Variants in BEND7 observed in about 807,000 individuals in gnomAD.
The protein encoded by BEND7 is BEN domain containing 7, also known as BEN domain-containing protein 7.
A neutral mutation model predicts 50.9 loss-of-function variants in BEND7; 28 were observed. The ratio of observed to expected loss-of-function variants is 0.55; its 90% CI spans 0.41 to 0.75. BEND7 has a LOEUF of 0.75. Ranked by LOEUF, BEND7 falls within the 30% of genes least tolerant of loss-of-function variation. The pLI is 0.00. For missense variants in BEND7, 477 were observed against 491.3 expected (o/e 0.97, Z 0.28); for synonymous variants, 170 against 183.9 (o/e 0.92, Z 0.61).
chr10:13,464,185 ACCCACAC>A (rs1244909197), intron 6 of BEND7, among the ~76,000 whole-genome samples: 83 of 152,338 alleles, frequency 5.4e-4, no homozygotes, highest in African/African-American at 1.9e-3. Flanking sequence ...CTCTAGAGAA[ACCCACAC>A]ATGGGCACCC....
At chr10:13,461,561 C>G (rs530897162) in intron 6 of BEND7, among the ~76,000 whole-genome samples, 5 of 152,130 alleles carry the variant, frequency 3.3e-5, no homozygotes, top group Non-Finnish European at 7.4e-5. Context: ...GGCCAAACTC[C>G]GTCTCTACCA....
intron 2 of BEND7, among the ~76,000 whole-genome samples, chr10:13,520,746 A>C (rs757261235): frequency 6.6e-6 from 1 of 152,174 alleles, no homozygotes; most frequent in Admixed American, 6.5e-5. Context: ...AGGCCGACCC[A>C]ACAGCAACCT....
intron 6 of BEND7, among the ~76,000 whole-genome samples, chr10:13,474,136 G>A (rs1478904501): frequency 6.6e-6 from 1 of 151,550 alleles, no homozygotes; most frequent in South Asian, 2.1e-4. Flanking sequence ...ATCCATCATC[G>A]CTGTTAGACT....
intron 6 of BEND7, among the ~76,000 whole-genome samples, chr10:13,452,915 C>T (rs1431051324): frequency 6.6e-6 from 1 of 152,194 alleles, no homozygotes; most frequent in Admixed American, 6.5e-5. Context: ...ACTCTTTCTA[C>T]TGGCTCCACA....
chr10:13,496,838 T>C lies in BEND7; in HGVS notation c.499A>G (p.Asn167Asp). The change falls in exon 4 of 9, where the codon AAC (asparagine) becomes GAC (aspartate). Residue 167 changes from asparagine to aspartate, a missense_variant. Asn to Asp is a conservative substitution (Grantham distance 23). This residue lies in a region of BEND7 where 396 missense variants were observed against 384.2 expected (regional missense o/e 1.03). Transcript: ENST00000466271. ...ATGGCCTGCAACGTTGACTGGCAGTTACAAGTACAGCAGTTTGATCCAGCT... is the reference window on the plus strand; with the variant it reads ...ATGGCCTGCAACGTTGACTGGCAGTCACAAGTACAGCAGTTTGATCCAGCT... ...SSAGSNCCTCNCQSTLQAILQ... is the reference protein window; with the variant it reads ...SSAGSNCCTCDCQSTLQAILQ... The C allele has an allele frequency of 6.2e-7, 1 of 1,608,996 alleles. No individual in the cohort carries two copies. Among genetic ancestry groups the C allele is most frequent in the African/African-American group, 1.4e-5 (1 of 73,460 alleles).
intron 5 of BEND7, among the ~76,000 whole-genome samples, chr10:13,492,367 G>T (rs1243073026): frequency 1.3e-5 from 2 of 152,328 alleles, no homozygotes; most frequent in Admixed American, 1.3e-4. Context: ...TTAGTGAGCA[G>T]ATTATTTACG....
intron 6 of BEND7, among the ~76,000 whole-genome samples, chr10:13,457,297 T>C (rs1179942907): frequency 6.6e-6 from 1 of 152,194 alleles, no homozygotes; most frequent in East Asian, 1.9e-4. Context: ...TCTGCTCCCA[T>C]GTCATGAGGG....
intron 4 of BEND7, among the ~76,000 whole-genome samples, chr10:13,494,229 C>T (rs1170720436): frequency 6.6e-6 from 1 of 151,974 alleles, no homozygotes; most frequent in Non-Finnish European, 1.5e-5. Context: ...CCATCCTGGC[C>T]AACATGGTGA....
intron 5 of BEND7, among the ~76,000 whole-genome samples, chr10:13,487,963 G>A (rs968847339): frequency 3.3e-5 from 5 of 151,628 alleles, no homozygotes; most frequent in African/African-American, 1.2e-4. Flanking sequence ...CATGGTGGCA[G>A]GCACCCATAG....
intron 6 of BEND7, among the ~76,000 whole-genome samples, chr10:13,460,829 C>T (rs1412278142): frequency 1.3e-5 from 2 of 152,222 alleles, no homozygotes; most frequent in East Asian, 1.9e-4. Context: ...GGACTTAAAC[C>T]TCATTGTGAC....
intron 2 of BEND7, among the ~76,000 whole-genome samples, chr10:13,525,148 C>T (rs1002061905): frequency 1.3e-5 from 2 of 152,196 alleles, no homozygotes; most frequent in Non-Finnish European, 2.9e-5. Flanking sequence ...TGTGCCCTCA[C>T]CCTGCTACCT....
intron 5 of BEND7, among the ~76,000 whole-genome samples, chr10:13,491,958 C>T (rs1202648166): frequency 2.0e-5 from 3 of 151,202 alleles, no homozygotes; most frequent in Non-Finnish European, 1.5e-5. Flanking sequence ...AATGCAATTG[C>T]AAATATAGTG....
At chr10:13,474,360 G>A (rs2075238164) in intron 6 of BEND7, among the ~76,000 whole-genome samples, 1 of 151,694 alleles carries the variant, frequency 6.6e-6, no homozygotes, top group African/African-American at 2.4e-5. Context: ...ATGACTGTTA[G>A]ATTTGGGGTC....
chr10:13,480,611 T>C, intron 6 of BEND7: 1 of 980,514 alleles, frequency 1.0e-6, no homozygotes, highest in Non-Finnish European at 1.2e-6. Flanking sequence ...AATTACAAAT[T>C]ACCTGCATTT....
intron 6 of BEND7, among the ~76,000 whole-genome samples, chr10:13,478,115 TG>T (rs2075590032): frequency 6.6e-6 from 1 of 151,672 alleles, no homozygotes; most frequent in South Asian, 2.1e-4. Context: ...GGAGAGAAAA[TG>T]GTTTTGGGGA....
intron 5 of BEND7, among the ~76,000 whole-genome samples, chr10:13,486,168 C>T (rs954281381): frequency 6.6e-6 from 1 of 152,190 alleles, no homozygotes; most frequent in Non-Finnish European, 1.5e-5. Flanking sequence ...CATGTGCTAC[C>T]CTGCCCAGCA....
intron 2 of BEND7, among the ~76,000 whole-genome samples, chr10:13,520,740 C>T (rs549752318): frequency 1.3e-5 from 2 of 152,172 alleles, no homozygotes; most frequent in East Asian, 3.9e-4. Context: ...AACATGAGGC[C>T]GACCCAACAG....
chr10:13,466,668 C>T (rs1161720370), intron 6 of BEND7, among the ~76,000 whole-genome samples: 1 of 152,064 alleles, frequency 6.6e-6, no homozygotes, highest in African/African-American at 2.4e-5. Context: ...TCAAGCAACA[C>T]AAAATTTAAA....
At chr10:13,447,658 C>T (rs1407944949) in intron 7 of BEND7, among the ~76,000 whole-genome samples, 18 of 151,312 alleles carry the variant, frequency 1.2e-4, no homozygotes, top group Non-Finnish European at 8.8e-5. Flanking sequence ...ATTCTCCTGC[C>T]TCAGCCTCCC....
Sources: gnomAD v4.1 joint callset for allele counts (sites outside exome capture counted in the v4.1 genomes callset) on GRCh38, gnomAD v4.1.1 for gene constraint, gnomAD v4.1.1 regional missense constraint, MANE v1.5 for transcripts, NCBI Gene and HGNC (gene_info 2026-07-23, HGNC 2026-07-21) for gene names.